AFAP1L1: variants seen among roughly 807,000 people sequenced by gnomAD.
AFAP1L1 encodes actin filament-associated protein 1-like 1.
In AFAP1L1, 77 loss-of-function variants were observed where a neutral mutation model predicts 99.8. The observed-to-expected ratio is 0.77, with a 90% CI of 0.64 to 0.93. The LOEUF (loss-of-function observed/expected upper bound fraction) is 0.93, where lower values mean the gene tolerates loss of function less well. AFAP1L1 is among the 40% of genes least tolerant of loss of function. The probability of loss-of-function intolerance (pLI) is 0.00; values close to 1 mark genes in which losing one functional copy is unlikely to be tolerated. For missense variants in AFAP1L1, 893 were observed against 996.8 expected, an observed-to-expected ratio of 0.90 and a Z score of 1.40; for synonymous variants, 373 against 395.3, an observed-to-expected ratio of 0.94 and a Z score of 0.67.
Position 149,299,600 on chromosome 5 carries a change from C to T in AFAP1L1, c.108C>T (p.Ala36=), listed in dbSNP as rs142671314. ...ATACCACCCTGGAAAAGAAGATGGC[C>T]GTGGCCTCCATCCTGCAGAGCCTGC... The part of the protein sequence containing the change: ...LSDTTLEKKM[A]VASILQSLQP... The change falls in exon 2 of 19, where the codon GCC becomes GCT. Residue 36 remains alanine, a synonymous_variant. Transcript: ENST00000296721. 3.7e-5 allele frequency: 59 copies of T among 1,614,146 alleles called. No homozygotes were observed. The highest frequency in any genetic ancestry group is 1.1e-4 in the African/African-American group (8 of 75,032).
At chr5:149,281,899 G>A (rs1184614182) in intron 1 of AFAP1L1, among the ~76,000 whole-genome samples, 4 of 152,206 alleles carry the variant, frequency 2.6e-5, no homozygotes, top group South Asian at 2.1e-4. Flanking sequence ...ATCCTTTATC[G>A]ATGAGGGGGT....
Position 149,282,565 on chromosome 5 carries a change from G to A in AFAP1L1, c.16+10581G>A, listed in dbSNP as rs144286572. ...TCAATCCAAGGGCAAAATCTGGCCT[G>A]CTACCTGTCTTTGTAAAGAAAGTTT... On this transcript the variant is annotated intron_variant, in intron 1 of 18. Coordinates refer to ENST00000296721, the MANE Select transcript of AFAP1L1 (RefSeq NM_152406.4). 1.1e-3 allele frequency among the ~76,000 whole-genome samples: 170 copies of A among 152,314 alleles called. 1 individual carries two copies. Among genetic ancestry groups the A allele is most frequent in the African/African-American group, 4.0e-3 (165 of 41,574 alleles).
chr5:149,311,466 C>T (rs373870224), intron 8 of AFAP1L1, among the ~76,000 whole-genome samples: 6 of 152,186 alleles, frequency 3.9e-5, no homozygotes, highest in African/African-American at 9.7e-5. Context: ...TTCCCCTCTG[C>T]GAGGCTCATC....
rs770546847 is a variant in AFAP1L1 at position 149,335,740 on chromosome 5, C to T, written c.2283+18C>T. 1 of 1,605,746 alleles carries T rather than the reference C, an allele frequency of 6.2e-7. No homozygotes were observed. Among genetic ancestry groups the T allele is most frequent in the Admixed American group, 1.7e-5 (1 of 57,594 alleles). On this transcript the variant is annotated intron_variant, in intron 18 of 18. Coordinates refer to ENST00000296721, the MANE Select transcript of AFAP1L1 (RefSeq NM_152406.4). ...AAGCCAAGGTAGAGCCATAGTTCTG[C>T]TCCTCAAAAATCAGAGATCTGGTAG...
At chr5:149,281,827 A>G (rs1049485727) in intron 1 of AFAP1L1, among the ~76,000 whole-genome samples, 1 of 152,162 alleles carries the variant, frequency 6.6e-6, no homozygotes, top group Non-Finnish European at 1.5e-5. Context: ...AAGATTTCTA[A>G]GTGGGGACAA....
chr5:149,280,748 C>CCT (rs1203160258), intron 1 of AFAP1L1, among the ~76,000 whole-genome samples: 2 of 152,012 alleles, frequency 1.3e-5, no homozygotes, highest in African/African-American at 2.4e-5. Context: ...CTTCTATCAC[C>CCT]CTCTCAAAAT....
chr5:149,336,045 A>G (rs1757396909), intron 18 of AFAP1L1, among the ~76,000 whole-genome samples: 1 of 152,194 alleles, frequency 6.6e-6, no homozygotes, highest in African/African-American at 2.4e-5. Context: ...GGGCTATGCA[A>G]GGTATCACTG....
intron 15 of AFAP1L1, among the ~76,000 whole-genome samples, chr5:149,328,535 G>A (rs530330877): frequency 6.6e-6 from 1 of 152,162 alleles, no homozygotes; most frequent in Non-Finnish European, 1.5e-5. Context: ...TGGGCTGGGC[G>A]CAGTGGCTCA....
At chr5:149,322,049 G>GA (rs1347986446) in intron 14 of AFAP1L1, among the ~76,000 whole-genome samples, 1 of 152,220 alleles carries the variant, frequency 6.6e-6, no homozygotes, top group Non-Finnish European at 1.5e-5. Flanking sequence ...CCTATACAGA[G>GA]AAGTAGATAG....
Position 149,301,214 on chromosome 5 carries a change from G to A in AFAP1L1, c.311G>A (p.Ser104Asn), listed in dbSNP as rs148606187. ...GGAGCCAGCCCTGAGCTAGCCAAGA[G>A]CCCACGCCTGAGAAACGTGAGTCAT... Reference protein sequence around the residue: ...SKGASPELAKSPRLRNAADLP... With the variant: ...SKGASPELAKNPRLRNAADLP... Residue 104 changes from serine to asparagine, a missense_variant, in exon 4 of 19, where the codon AGC (serine) becomes AAC (asparagine). Ser to Asn is a conservative substitution (Grantham distance 46, BLOSUM62 1). Transcript: ENST00000296721. 2,526 of 1,613,996 alleles carry A rather than the reference G, an allele frequency of 1.6e-3. 32 individuals are homozygous for A. In the African/African-American group the frequency reaches 0.03, roughly 19 times the overall value.
At chr5:149,292,250 C>T (rs892969488) in intron 1 of AFAP1L1, among the ~76,000 whole-genome samples, 3 of 152,162 alleles carry the variant, frequency 2.0e-5, no homozygotes, top group African/African-American at 7.2e-5. Flanking sequence ...GTTATGAACT[C>T]ATTATCTTTG....
intron 1 of AFAP1L1, 102 bp from the exon 2 acceptor site, chr5:149,299,407 T>A: frequency 6.6e-7 from 1 of 1,508,456 alleles, no homozygotes; most frequent in Non-Finnish European, 8.9e-7. Flanking sequence ...GGACCTGCCC[T>A]CTGACCCCTT....
Position 149,339,259 on chromosome 5 carries a change from C to T in AFAP1L1, c.2284-748C>T, listed in dbSNP as rs903790411. Among the ~76,000 whole-genome samples the T allele has an allele frequency of 1.1e-4, 16 of 148,754 alleles. 1 individual carries two copies. Among genetic ancestry groups the T allele is most frequent in the South Asian group, 8.5e-4 (4 of 4,728 alleles). ...GCAGTGGTATGATCTTGGCTCACTGCAACCACTGCAACCTCCACCTCCCAG... is the reference window on the plus strand; with the variant it reads ...GCAGTGGTATGATCTTGGCTCACTGTAACCACTGCAACCTCCACCTCCCAG... On this transcript the variant is annotated intron_variant, in intron 18 of 18. Coordinates refer to ENST00000296721, the MANE Select transcript of AFAP1L1 (RefSeq NM_152406.4).
rs1756248686 is a variant in AFAP1L1, at chr5:149,302,312, A to G, written c.328-106A>G. 13 of 717,196 alleles carry G rather than the reference A, an allele frequency of 1.8e-5. 1 individual carries two copies. The South Asian group carries it at 2.8e-4, about 15-fold the overall frequency. 44.4% of individuals were successfully genotyped at this position (717,196 alleles called of 1,614,324 possible). The stretch of plus-strand genomic sequence containing the variant: ...GGCTCTATAAAAGGTATGGCTTCAC[A>G]TTCACACTGCCTCCTGCCTTCTGCG... On this transcript the variant is annotated intron_variant, in intron 4 of 18. Transcript: ENST00000296721.
chr5:149,293,560 A>C (rs1416135421), intron 1 of AFAP1L1, among the ~76,000 whole-genome samples: 1 of 152,210 alleles, frequency 6.6e-6, no homozygotes, highest in African/African-American at 2.4e-5. Context: ...CATTGAGTAA[A>C]TGTTCATTGG....
At position 149,277,335 on chromosome 5, in the gene AFAP1L1, A is replaced by G. The variant is rs1755367655; in HGVS notation, c.16+5351A>G. Among the ~76,000 whole-genome samples, 7 of 152,230 alleles carry G rather than the reference A, an allele frequency of 4.6e-5. No homozygotes were observed. In the South Asian group the frequency reaches 1.4e-3, roughly 32 times the overall value. ...CATGAAATGAGATTTTCATTGCTCA[A>G]CAGATGATCTGAGAATCCATTCTGC... On this transcript the variant is annotated intron_variant, in intron 1 of 18. Coordinates refer to ENST00000296721, the MANE Select transcript of AFAP1L1 (RefSeq NM_152406.4).
intron 1 of AFAP1L1, among the ~76,000 whole-genome samples, chr5:149,291,524 C>CAAA (rs1229134807): frequency 0.074 from 981 of 13,340 alleles, 64 homozygotes; most frequent in African/African-American, 0.1. Context: ...GACTCCGTCT[C>CAAA]AAAAAAAAAA....
In AFAP1L1 at chr5:149,342,163, A is replaced by G. The variant is rs1268591675; in HGVS notation, c.*2133A>G. The stretch of plus-strand genomic sequence containing the variant: ...ATGCTCTACTATTGCCTTCTTAATC[A>G]TATTTGAACAAGGAGTTCTGCTTTT... On this transcript the variant is annotated 3_prime_UTR_variant, in exon 19 of 19. Coordinates refer to ENST00000296721, the MANE Select transcript of AFAP1L1 (RefSeq NM_152406.4). 6.6e-6 allele frequency among the ~76,000 whole-genome samples: 1 copy of G among 152,198 alleles called. No individual in the cohort carries two copies. The highest frequency in any genetic ancestry group is 6.5e-5 in the Admixed American group (1 of 15,278).
intron 5 of AFAP1L1, among the ~76,000 whole-genome samples, chr5:149,304,969 A>G (rs79462031): frequency 7.1e-6 from 1 of 141,056 alleles, no homozygotes; most frequent in Admixed American, 7.1e-5. Context: ...CTGGAGGGGG[A>G]TGTGCACCAT....
Sources: gnomAD v4.1 joint callset for allele counts (sites outside exome capture counted in the v4.1 genomes callset) on GRCh38, gnomAD v4.1.1 for gene constraint, MANE v1.5 for transcripts, NCBI Gene and HGNC (gene_info 2026-07-23, HGNC 2026-07-21) for gene names.